NBEA: variants seen among roughly 807,000 people sequenced by gnomAD.
The protein encoded by NBEA is neurobeachin.
A neutral mutation model predicts 343.4 loss-of-function variants in NBEA; 44 were observed. The observed-to-expected ratio is 0.13, with a 90% CI of 0.10 to 0.16. NBEA has a LOEUF of 0.16. Ranked by LOEUF, NBEA falls within the 10% of genes least tolerant of loss-of-function variation. NBEA has a pLI of 1.00. For missense variants in NBEA, 2,555 were observed against 3,631.3 expected (o/e 0.70, Z 7.62); for synonymous variants, 1,175 against 1,238.7 (o/e 0.95, Z 1.08).
chr13:35,480,639 A>C (rs1321132201), intron 41 of NBEA, among the ~76,000 whole-genome samples: 1 of 151,994 alleles, frequency 6.6e-6, no homozygotes, highest in Admixed American at 6.6e-5. Flanking sequence ...AGTGGCTTTG[A>C]AGGCTCATTG....
chr13:34,996,877 G>T (rs899894055), intron 1 of NBEA, among the ~76,000 whole-genome samples: 1 of 152,122 alleles, frequency 6.6e-6, no homozygotes, highest in Non-Finnish European at 1.5e-5. Flanking sequence ...ATGAAAAATT[G>T]CCAGTAATCT....
chr13:35,514,602 A>C (rs1290421484), intron 41 of NBEA, among the ~76,000 whole-genome samples: 2 of 152,194 alleles, frequency 1.3e-5, no homozygotes, highest in African/African-American at 4.8e-5. Flanking sequence ...TATTTTCATC[A>C]AAAATAATTT....
chr13:34,997,448 A>G (rs2060978399), intron 1 of NBEA, among the ~76,000 whole-genome samples: 1 of 152,190 alleles, frequency 6.6e-6, no homozygotes, highest in Non-Finnish European at 1.5e-5. Context: ...ATTTCCCAAA[A>G]TGGTAATTAT....
chr13:35,452,493 A>G (rs559965499), intron 40 of NBEA, among the ~76,000 whole-genome samples: 25 of 152,184 alleles, frequency 1.6e-4, no homozygotes, highest in Non-Finnish European at 3.2e-4. Flanking sequence ...GGAATAATAC[A>G]CAGTATCAGT....
intron 41 of NBEA, among the ~76,000 whole-genome samples, chr13:35,505,356 G>A (rs766086367): frequency 1.1e-4 from 17 of 152,142 alleles, no homozygotes; most frequent in East Asian, 9.6e-4. Flanking sequence ...ACGATGCTCC[G>A]CAGTTAATGT....
At chr13:35,480,269 T>A (rs2076068644) in intron 41 of NBEA, among the ~76,000 whole-genome samples, 1 of 152,132 alleles carries the variant, frequency 6.6e-6, no homozygotes, top group Non-Finnish European at 1.5e-5. Context: ...ATATACAAAG[T>A]AATTCATAAA....
At chr13:35,047,201 T>TTGTGTGTGTGTGTGTG (rs139134555) in intron 4 of NBEA, among the ~76,000 whole-genome samples, 56 of 148,062 alleles carry the variant, frequency 3.8e-4, no homozygotes, top group Non-Finnish European at 5.4e-4. Flanking sequence ...TCATTTGAAA[T>TTGTGTGTGTGTGTGTG]TGTGTGTGTG....
At chr13:35,421,909 G>A (rs2044297842) in intron 38 of NBEA, among the ~76,000 whole-genome samples, 1 of 151,990 alleles carries the variant, frequency 6.6e-6, no homozygotes, top group African/African-American at 2.4e-5. Context: ...CAGATGAGAT[G>A]CCACTTTTCT....
chr13:35,533,284 G>A lies in NBEA; in HGVS notation c.6586-17193G>A, dbSNP rs917928660. ...GAAAGCCATTTTTACTATTTTCTGT[G>A]ATTTATCTATTTGAGCTTTTTTAAA... On this transcript the variant is annotated intron_variant, in intron 41 of 58. Transcript: ENST00000379939. 7.2e-5 allele frequency among the ~76,000 whole-genome samples: 11 copies of A among 152,118 alleles called. No individual in the cohort carries two copies. The East Asian group carries it at 2.1e-3, about 29-fold the overall frequency.
chr13:35,180,426 A>G (rs1479167295), intron 28 of NBEA, among the ~76,000 whole-genome samples: 2 of 151,702 alleles, frequency 1.3e-5, no homozygotes, highest in African/African-American at 4.8e-5. Flanking sequence ...TCAAGGTTAC[A>G]TGCAGCTTGT....
At chr13:35,291,582 G>A (rs892848323) in intron 35 of NBEA, among the ~76,000 whole-genome samples, 5 of 151,900 alleles carry the variant, frequency 3.3e-5, no homozygotes, top group African/African-American at 1.2e-4. Context: ...TCCTGAGTTC[G>A]AGAGACTATC....
At chr13:35,520,834 C>T (rs967518991) in intron 41 of NBEA, among the ~76,000 whole-genome samples, 12 of 152,186 alleles carry the variant, frequency 7.9e-5, no homozygotes, top group African/African-American at 2.4e-4. Context: ...GTCTTTATAT[C>T]ACTTCATTTT....
intron 1 of NBEA, among the ~76,000 whole-genome samples, chr13:34,974,209 A>G (rs765998341): frequency 7.2e-5 from 11 of 152,200 alleles, no homozygotes; most frequent in South Asian, 2.1e-4. Context: ...ATTAGTCCCA[A>G]TGCAAGTACC....
At chr13:35,312,627 G>T (rs1012686276) in intron 36 of NBEA, among the ~76,000 whole-genome samples, 3 of 152,180 alleles carry the variant, frequency 2.0e-5, no homozygotes, top group Non-Finnish European at 4.4e-5. Context: ...CCAATCTGAG[G>T]TTCAGTAATC....
At chr13:35,619,558 C>T (rs2082887027) in intron 48 of NBEA, among the ~76,000 whole-genome samples, 1 of 152,170 alleles carries the variant, frequency 6.6e-6, no homozygotes, top group African/African-American at 2.4e-5. Flanking sequence ...AACAAAGGGC[C>T]TTGATTCCCA....
intron 41 of NBEA, among the ~76,000 whole-genome samples, chr13:35,486,764 A>G (rs1416895909): frequency 6.6e-6 from 1 of 152,036 alleles, no homozygotes; most frequent in Non-Finnish European, 1.5e-5. Context: ...GATGCTTTTA[A>G]ATAGGTAAAT....
At chr13:35,322,481 C>T (rs1043096692) in intron 36 of NBEA, among the ~76,000 whole-genome samples, 1 of 152,148 alleles carries the variant, frequency 6.6e-6, no homozygotes, top group Non-Finnish European at 1.5e-5. Context: ...ATGAGATGAG[C>T]TGGGTACCTC....
intron 1 of NBEA, among the ~76,000 whole-genome samples, chr13:35,013,881 C>T (rs945909401): frequency 2.0e-5 from 3 of 151,736 alleles, no homozygotes; most frequent in Admixed American, 2.0e-4. Flanking sequence ...TCTTTTTTCT[C>T]CTGTGACTCA....
Position 35,142,395 on chromosome 13 carries a change from G to A in NBEA, c.2445+18G>A, listed in dbSNP as rs1231607104. On this transcript the variant is annotated intron_variant, in intron 18 of 58. Coordinates refer to ENST00000379939, the MANE Select transcript of NBEA (RefSeq NM_001385012.1). ...TTTATGAGGTAAAAATAAAAAATGT[G>A]TGATGAAAGTTTTAAGTGTATACAG... 21 of 1,579,996 alleles carry A rather than the reference G, an allele frequency of 1.3e-5. No homozygotes were observed. The highest frequency in any genetic ancestry group is 1.8e-5 in the Non-Finnish European group (21 of 1,150,560).
Sources: gnomAD v4.1 joint callset for allele counts (sites outside exome capture counted in the v4.1 genomes callset) on GRCh38, gnomAD v4.1.1 for gene constraint, MANE v1.5 for transcripts, NCBI Gene and HGNC (gene_info 2026-07-23, HGNC 2026-07-21) for gene names.